The following RNF185 variants were observed in gnomAD, a reference collection of about 807,000 sequenced individuals.
RNF185 encodes the protein E3 ubiquitin-protein ligase RNF185.
In RNF185, 13 loss-of-function variants were observed where a neutral mutation model predicts 24.9. The observed-to-expected ratio is 0.52, with a 90% CI of 0.34 to 0.83. The LOEUF (loss-of-function observed/expected upper bound fraction) is 0.83, where lower values mean the gene tolerates loss of function less well. Among genes scored for constraint, RNF185 ranks in the 40% least tolerant of loss-of-function variants. RNF185 has a pLI of 0.01. For missense variants in RNF185, 184 were observed against 244.7 expected, an observed-to-expected ratio of 0.75 and a Z score of 1.65; for synonymous variants, 79 against 90.3, an observed-to-expected ratio of 0.88 and a Z score of 0.71.
At chr22:31,186,997 G>A (rs1310581240) in intron 1 of RNF185, 50 bp from the exon 2 acceptor site, 8 of 1,260,170 alleles carry the variant, frequency 6.3e-6, no homozygotes, top group Non-Finnish European at 8.9e-6. Context: ...CATGGAAGCT[G>A]GGGGGAGAGG....
chr22:31,173,307 TTTGCTGTTATAGG>T (rs1211062469), intron 1 of RNF185, among the ~76,000 whole-genome samples: 1 of 151,996 alleles, frequency 6.6e-6, no homozygotes, highest in African/African-American at 2.4e-5. Context: ...AACAGCATGT[TTTGCTGTTATAGG>T]ATACTGATTT....
rs118153223 is a variant in RNF185 at position 31,192,690 on chromosome 22, G to T, written c.183G>T (p.Pro61=). The change falls in exon 3 of 7, where the codon CCG becomes CCT. Residue 61 remains proline, a synonymous_variant. Transcript: ENST00000326132. ...GCCCTGGGGACTCTGGCAGTTGGCC[G>T]TGTTTACATCAGGTAAGATGCATTT... The part of the protein sequence containing the change: ...ISLCGHLFCW[P]CLHQWLETRP... The T allele has an allele frequency of 1.2e-6, 2 of 1,613,746 alleles. No homozygotes were observed. Among genetic ancestry groups the T allele is most frequent in the Non-Finnish European group, 1.7e-6 (2 of 1,179,744 alleles).
chr22:31,192,442 G>A (rs114914996), intron 2 of RNF185, among the ~76,000 whole-genome samples: 41 of 152,160 alleles, frequency 2.7e-4, no homozygotes, highest in African/African-American at 8.9e-4. Context: ...GCAGAGGCTG[G>A]GGTCTTATCT....
intron 2 of RNF185, 140 bp from the exon 3 acceptor site, chr22:31,192,544 G>A (rs2147953807): frequency 1.4e-6 from 1 of 728,106 alleles, no homozygotes; most frequent in South Asian, 1.6e-5. Flanking sequence ...TGGGCATGCA[G>A]TGCTCCATAG....
chr22:31,170,521 T>C (rs2047918851), intron 1 of RNF185, among the ~76,000 whole-genome samples: 3 of 151,228 alleles, frequency 2.0e-5, no homozygotes, highest in African/African-American at 7.3e-5. Flanking sequence ...TTATTTTATT[T>C]ATTTATTGAG....
At chr22:31,180,915 CTGTGTG>C (rs567264606) in intron 1 of RNF185, among the ~76,000 whole-genome samples, 28 of 96,882 alleles carry the variant, frequency 2.9e-4, no homozygotes, top group Admixed American at 6.5e-4. Flanking sequence ...CTCTCTCTCT[CTGTGTG>C]TGTGTGTGTG....
chr22:31,179,210 A>G (rs2048011484), intron 1 of RNF185, among the ~76,000 whole-genome samples: 1 of 152,202 alleles, frequency 6.6e-6, no homozygotes, highest in Admixed American at 6.5e-5. Flanking sequence ...CAGGATGGCC[A>G]TATAGGTATG....
chr22:31,170,391 C>T (rs754485422), intron 1 of RNF185, among the ~76,000 whole-genome samples: 3 of 152,094 alleles, frequency 2.0e-5, no homozygotes, highest in African/African-American at 4.8e-5. Context: ...GAGGTTTCAC[C>T]ATGTTAGCCA....
At chr22:31,199,752 AG>A (rs2048242687) in intron 5 of RNF185, among the ~76,000 whole-genome samples, 1 of 152,182 alleles carries the variant, frequency 6.6e-6, no homozygotes, top group Admixed American at 6.5e-5. Context: ...TTTTGTATTG[AG>A]GAGATGGAAA....
At chr22:31,163,656 TTTTATTTA>T (rs60362805) in intron 1 of RNF185, among the ~76,000 whole-genome samples, 25 of 141,036 alleles carry the variant, frequency 1.8e-4, no homozygotes, top group African/African-American at 3.7e-4. Flanking sequence ...TTTTATTTTA[TTTTATTTA>T]TTTATTTATT....
At chr22:31,201,307 C>G (rs952834420) in intron 5 of RNF185, among the ~76,000 whole-genome samples, 191 bp from the exon 6 acceptor site, 3 of 152,214 alleles carry the variant, frequency 2.0e-5, no homozygotes, top group Non-Finnish European at 4.4e-5. Context: ...GGGCAGAGGG[C>G]TTGCCAGAGT....
chr22:31,165,560 G>T (rs1172964545), intron 1 of RNF185, among the ~76,000 whole-genome samples: 2 of 152,204 alleles, frequency 1.3e-5, no homozygotes. Flanking sequence ...GTATGTCCCT[G>T]ATCTGAATGT....
intron 1 of RNF185, among the ~76,000 whole-genome samples, chr22:31,171,100 A>T (rs1302598532): frequency 6.6e-6 from 1 of 151,974 alleles, no homozygotes; most frequent in Non-Finnish European, 1.5e-5. Context: ...TAATAGTTAC[A>T]TTCTGACTTG....
chr22:31,187,274 A>G lies in RNF185; in HGVS notation c.176+4A>G. The G allele has an allele frequency of 6.2e-7, 1 of 1,613,768 alleles. No homozygotes were observed. Among genetic ancestry groups the G allele is most frequent in the African/African-American group, 1.3e-5 (1 of 75,022 alleles). ...GCCTGTGTGGCCACCTCTTCTGGTC[A>G]GTACCCCTACTTCCACCCCAGAGAG... On this transcript the variant is annotated splice_donor_region_variant and intron_variant, in intron 2 of 6. Coordinates refer to ENST00000326132, the MANE Select transcript of RNF185 (RefSeq NM_152267.4).
intron 2 of RNF185, among the ~76,000 whole-genome samples, chr22:31,191,972 C>T (rs903433712): frequency 6.7e-6 from 1 of 149,810 alleles, no homozygotes; most frequent in Non-Finnish European, 1.5e-5. Flanking sequence ...TGATGCAGTT[C>T]ATTTTATGTT....
intron 1 of RNF185, among the ~76,000 whole-genome samples, chr22:31,168,874 A>C (rs1924102443): frequency 6.6e-6 from 1 of 151,976 alleles, no homozygotes; most frequent in Non-Finnish European, 1.5e-5. Flanking sequence ...AAATGTCTCT[A>C]TTCAAGTCCT....
intron 2 of RNF185, among the ~76,000 whole-genome samples, chr22:31,187,935 G>A (rs1161478462): frequency 6.6e-6 from 1 of 151,076 alleles, no homozygotes; most frequent in African/African-American, 2.4e-5. Context: ...GTGTGTGTGT[G>A]TGTTTTTTTT....
intron 5 of RNF185, among the ~76,000 whole-genome samples, chr22:31,197,322 T>C (rs561093749): frequency 6.0e-4 from 91 of 152,312 alleles, no homozygotes; most frequent in South Asian, 1.4e-3. Flanking sequence ...TTTGTAACCC[T>C]CTCTTAAAAT....
intron 1 of RNF185, among the ~76,000 whole-genome samples, chr22:31,162,768 T>TTC (rs1380191565): frequency 2.0e-5 from 3 of 146,848 alleles, no homozygotes. Context: ...TTTTCTTTCT[T>TTC]TTTTTTTTTT....
Sources: allele counts gnomAD v4.1 joint callset (sites outside exome capture counted in the v4.1 genomes callset), GRCh38; gene constraint gnomAD v4.1.1; transcripts MANE v1.5; gene names NCBI Gene and HGNC (gene_info 2026-07-23, HGNC 2026-07-21).